The following ALPK2 variants were observed in gnomAD, a reference collection of about 807,000 sequenced individuals.
The protein encoded by ALPK2 is alpha kinase 2.
A neutral mutation model predicts 163.1 loss-of-function variants in ALPK2; 127 were observed. The ratio of observed to expected loss-of-function variants is 0.78; its 90% CI spans 0.67 to 0.90. The LOEUF (loss-of-function observed/expected upper bound fraction) is 0.90, where lower values mean the gene tolerates loss of function less well. ALPK2 is among the 40% of genes least tolerant of loss of function. The probability of loss-of-function intolerance (pLI) is 0.00; values close to 1 mark genes in which losing one functional copy is unlikely to be tolerated. For missense variants in ALPK2, 2,360 were observed against 2,589.6 expected (o/e 0.91, Z 1.92); for synonymous variants, 953 against 959.1 (o/e 0.99, Z 0.12).
chr18:58,627,471 A>C (rs886594300), intron 1 of ALPK2, among the ~76,000 whole-genome samples: 2 of 152,098 alleles, frequency 1.3e-5, no homozygotes, highest in Non-Finnish European at 2.9e-5. Context: ...AAATACAAAA[A>C]AAATTAGCTG....
At chr18:58,507,609 T>C (rs990466985) in intron 10 of ALPK2, among the ~76,000 whole-genome samples, 2 of 152,132 alleles carry the variant, frequency 1.3e-5, no homozygotes, top group Non-Finnish European at 2.9e-5. Flanking sequence ...GGCTTGTCTT[T>C]CACAATAGGA....
chr18:58,618,487 C>T (rs2052181552), intron 1 of ALPK2, among the ~76,000 whole-genome samples: 1 of 152,216 alleles, frequency 6.6e-6, no homozygotes, highest in South Asian at 2.1e-4. Flanking sequence ...AGCTGATCAT[C>T]TCTCTGCCTC....
intron 4 of ALPK2, among the ~76,000 whole-genome samples, chr18:58,574,501 C>T (rs2051909003): frequency 1.3e-5 from 2 of 151,854 alleles, no homozygotes; most frequent in South Asian, 2.1e-4. Context: ...ACCCCCAGCC[C>T]CAGGCCATGG....
At position 58,578,738 on chromosome 18, in the gene ALPK2, A is replaced by ACACACGCGCGCATGCGCGCG. The variant is rs138127797; in HGVS notation, c.1962+75_1962+76insCGCGCGCATGCGCGCGTGTG. Reference sequence around the variant, plus strand: ...GAATGTGAAGTAAAGGAAGAGACACACACACACACACACACACACACACAC... The same window carrying ACACACGCGCGCATGCGCGCG: ...GAATGTGAAGTAAAGGAAGAGACACACACACGCGCGCATGCGCGCGCACACACACACACACACACACACAC... On this transcript the variant is annotated intron_variant, in intron 4 of 12. Coordinates refer to ENST00000361673, the MANE Select transcript of ALPK2 (RefSeq NM_052947.4). 3.8e-5 allele frequency: 36 copies of ACACACGCGCGCATGCGCGCG among 936,670 alleles called. 1 individual carries two copies. Among genetic ancestry groups the ACACACGCGCGCATGCGCGCG allele is most frequent in the Non-Finnish European group, 5.0e-5 (32 of 637,454 alleles). The allele number at this position is 936,670 out of a possible 1,614,324, so 58.0% of individuals were successfully genotyped here. A position where few individuals can be genotyped will look rare whatever the true frequency, so the allele number is the denominator to read the frequency against.
chr18:58,555,705 C>A (rs1180613903), intron 4 of ALPK2, among the ~76,000 whole-genome samples: 2 of 152,186 alleles, frequency 1.3e-5, no homozygotes, highest in Non-Finnish European at 2.9e-5. Context: ...GCCCGAAGAA[C>A]CCCAACCATT....
intron 3 of ALPK2, among the ~76,000 whole-genome samples, chr18:58,596,969 T>C (rs890885793): frequency 6.6e-6 from 1 of 152,002 alleles, no homozygotes; most frequent in African/African-American, 2.4e-5. Context: ...CTCAGGTGTG[T>C]GCCACCACCC....
chr18:58,603,311 A>T (rs1365497684), intron 3 of ALPK2, among the ~76,000 whole-genome samples: 1 of 152,238 alleles, frequency 6.6e-6, no homozygotes, highest in Non-Finnish European at 1.5e-5. Flanking sequence ...CTCCAGGCAG[A>T]CATGGATTTG....
intron 1 of ALPK2, among the ~76,000 whole-genome samples, chr18:58,621,274 CT>C: frequency 6.7e-6 from 1 of 149,892 alleles, no homozygotes; most frequent in South Asian, 2.1e-4. Flanking sequence ...AATGTGATCA[CT>C]TTCTTTTTTT....
chr18:58,573,106 TAAA>T (rs1226703395), intron 4 of ALPK2, among the ~76,000 whole-genome samples: 2 of 151,868 alleles, frequency 1.3e-5, no homozygotes, highest in Non-Finnish European at 2.9e-5. Flanking sequence ...TGAATTCTCT[TAAA>T]AACATTATAC....
At chr18:58,572,966 C>A (rs2051893572) in intron 4 of ALPK2, among the ~76,000 whole-genome samples, 1 of 152,046 alleles carries the variant, frequency 6.6e-6, no homozygotes, top group African/African-American at 2.4e-5. Context: ...ATTGAGGGAA[C>A]CTGGGCAAAG....
At chr18:58,500,330 C>T (rs545856105) in intron 11 of ALPK2, among the ~76,000 whole-genome samples, 10 of 151,950 alleles carry the variant, frequency 6.6e-5, no homozygotes, top group East Asian at 1.9e-4. Flanking sequence ...AGCTCTAAGC[C>T]GTATGGAAGT....
intron 2 of ALPK2, among the ~76,000 whole-genome samples, chr18:58,609,617 G>A (rs2052117243): frequency 6.6e-6 from 1 of 152,106 alleles, no homozygotes. Flanking sequence ...TTTCCCCTGT[G>A]CAGTATAGAT....
chr18:58,514,675 G>A (rs2051511697), intron 10 of ALPK2, among the ~76,000 whole-genome samples: 1 of 152,046 alleles, frequency 6.6e-6, no homozygotes, highest in African/African-American at 2.4e-5. Flanking sequence ...ATAGCTATGA[G>A]AGTAGATATC....
At chr18:58,507,219 T>C (rs964416580) in intron 10 of ALPK2, among the ~76,000 whole-genome samples, 7 of 152,232 alleles carry the variant, frequency 4.6e-5, no homozygotes, top group African/African-American at 7.2e-5. Context: ...GAAGATCGAC[T>C]TCTGGGAGGG....
chr18:58,526,370 G>T (rs1206482301), intron 6 of ALPK2, among the ~76,000 whole-genome samples: 3 of 152,190 alleles, frequency 2.0e-5, no homozygotes, highest in Admixed American at 2.0e-4. Context: ...CCACCACTCA[G>T]TCTGGGCTGA....
chr18:58,585,680 C>CTTTTTTTTTTTTTTTTTTTTTT (rs71173066), intron 3 of ALPK2, among the ~76,000 whole-genome samples: 1 of 77,636 alleles, frequency 1.3e-5, no homozygotes, highest in African/African-American at 4.9e-5. Flanking sequence ...TTCTATGTTG[C>CTTTTTTTTTTTTTTTTTTTTTT]TTTTTTTTTT....
At chr18:58,485,698 C>G (rs2051335001) in intron 12 of ALPK2, among the ~76,000 whole-genome samples, 1 of 152,242 alleles carries the variant, frequency 6.6e-6, no homozygotes, top group African/African-American at 2.4e-5. Flanking sequence ...GTCAGCTTGT[C>G]AGTGTTTCCT....
chr18:58,603,700 A>G (rs1465831689), intron 3 of ALPK2, among the ~76,000 whole-genome samples: 1 of 151,864 alleles, frequency 6.6e-6, no homozygotes, highest in Non-Finnish European at 1.5e-5. Flanking sequence ...TTATGTTCAT[A>G]AGAGACCACA....
At chr18:58,508,313 T>C (rs1362401613) in intron 10 of ALPK2, among the ~76,000 whole-genome samples, 1 of 152,212 alleles carries the variant, frequency 6.6e-6, no homozygotes, top group Non-Finnish European at 1.5e-5. Context: ...TAGCCAGTTC[T>C]GTCAGAGATG....
Sources: gnomAD v4.1 joint callset for allele counts (sites outside exome capture counted in the v4.1 genomes callset) on GRCh38, gnomAD v4.1.1 for gene constraint, MANE v1.5 for transcripts, NCBI Gene and HGNC (gene_info 2026-07-23, HGNC 2026-07-21) for gene names.